SPRED1: variants seen among roughly 807,000 people sequenced by gnomAD.
The protein encoded by SPRED1 is sprouty-related, EVH1 domain-containing protein 1.
In SPRED1, 18 loss-of-function variants were observed where a neutral mutation model predicts 52.3. The ratio of observed to expected loss-of-function variants is 0.34; its 90% CI spans 0.24 to 0.51. The LOEUF is 0.51. Among genes scored for constraint, SPRED1 ranks in the 20% least tolerant of loss-of-function variants. SPRED1 has a pLI of 0.97. For synonymous variants in SPRED1, 155 were observed against 179.7 expected (o/e 0.86, Z 1.10); for missense variants, 485 against 551.0 (o/e 0.88, Z 1.20).
intron 1 of SPRED1, among the ~76,000 whole-genome samples, chr15:38,294,436 C>T (rs549584669): frequency 5.3e-5 from 8 of 152,114 alleles, no homozygotes; most frequent in South Asian, 2.1e-4. Context: ...ACTGTATCTT[C>T]GAGAACGTGT....
chr15:38,282,287 C>T (rs1428753889), intron 1 of SPRED1, among the ~76,000 whole-genome samples: 1 of 151,224 alleles, frequency 6.6e-6, no homozygotes, highest in East Asian at 1.9e-4. Context: ...CCAGCCTGGC[C>T]AACATCCTGA....
chr15:38,306,426 G>T (rs1014077420), intron 2 of SPRED1, among the ~76,000 whole-genome samples: 6 of 152,096 alleles, frequency 3.9e-5, no homozygotes, highest in Non-Finnish European at 8.8e-5. Flanking sequence ...AGGAAAACTG[G>T]GTTAAAGCAC....
intron 1 of SPRED1, among the ~76,000 whole-genome samples, chr15:38,270,853 T>C (rs1347667863): frequency 2.6e-5 from 4 of 152,250 alleles, no homozygotes; most frequent in African/African-American, 9.6e-5. Context: ...TCTTCATATA[T>C]CAGCTTTTGT....
rs946389317 is a variant in SPRED1, at chr15:38,356,676, T to C, written c.*5012T>C. On this transcript the variant is annotated 3_prime_UTR_variant, in exon 7 of 7. Coordinates refer to ENST00000299084, the MANE Select transcript of SPRED1 (RefSeq NM_152594.3). The stretch of plus-strand genomic sequence containing the variant: ...AGTCTCTAAGCTAATAATGTTATAT[T>C]TATTGGTTTGGTAACATGTTGCAGC... 6.6e-6 allele frequency: 1 copy of C among 152,144 alleles called. No homozygotes were observed. The highest frequency in any genetic ancestry group is 1.5e-5 in the Non-Finnish European group (1 of 67,972). The allele number at this position is 152,144 out of a possible 1,614,324, so 9.4% of individuals were successfully genotyped here.
intron 1 of SPRED1, among the ~76,000 whole-genome samples, chr15:38,268,987 C>T (rs1894370721): frequency 1.4e-5 from 2 of 146,992 alleles, no homozygotes; most frequent in Admixed American, 1.4e-4. Context: ...GTCGCCTAGG[C>T]TGGAGTGCAG....
rs867556628 is a variant in SPRED1, at chr15:38,328,059, T to C, written c.423+3250T>C. On this transcript the variant is annotated intron_variant, in intron 4 of 6. Coordinates refer to ENST00000299084, the MANE Select transcript of SPRED1 (RefSeq NM_152594.3). ...TGTGTTCTGATTTATCTAGCTACTT[T>C]ATTAGGAATAAAATAGATCATGTTA... Among the ~76,000 whole-genome samples the C allele has an allele frequency of 7.9e-5, 12 of 152,344 alleles. No individual in the cohort carries two copies. In the South Asian group the frequency reaches 1.9e-3, roughly 24 times the overall value.
chr15:38,254,721 C>CG (rs1177785869), intron 1 of SPRED1, among the ~76,000 whole-genome samples: 1 of 152,140 alleles, frequency 6.6e-6, no homozygotes, highest in Non-Finnish European at 1.5e-5. Context: ...AATATCAGTT[C>CG]GGGGAGGTGC....
intron 2 of SPRED1, among the ~76,000 whole-genome samples, chr15:38,304,658 G>C (rs1339785484): frequency 2.0e-5 from 3 of 151,924 alleles, no homozygotes; most frequent in Non-Finnish European, 1.5e-5. Context: ...CATCATTCTT[G>C]GCTACTTTTC....
At chr15:38,340,205 T>G (rs1156404607) in intron 5 of SPRED1, among the ~76,000 whole-genome samples, 1 of 152,230 alleles carries the variant, frequency 6.6e-6, no homozygotes, top group East Asian at 1.9e-4. Context: ...ATGTGTTTAC[T>G]ATATGTTTTT....
At chr15:38,322,027 G>A (rs1240136660) in intron 2 of SPRED1, among the ~76,000 whole-genome samples, 1 of 152,000 alleles carries the variant, frequency 6.6e-6, no homozygotes, top group Non-Finnish European at 1.5e-5. Flanking sequence ...TCTTAAAATG[G>A]GAGTATAATA....
At chr15:38,339,991 A>G in intron 5 of SPRED1, 96 bp downstream of exon 5, 1 of 1,475,958 alleles carries the variant, frequency 6.8e-7, no homozygotes, top group East Asian at 2.3e-5. Flanking sequence ...GCCCTTTACC[A>G]GACACAGTAA....
chr15:38,259,267 A>C (rs1284449135), intron 1 of SPRED1, among the ~76,000 whole-genome samples: 1 of 152,064 alleles, frequency 6.6e-6, no homozygotes, highest in Admixed American at 6.6e-5. Context: ...TATTTATTTT[A>C]AAGAGGCAGG....
Position 38,253,094 on chromosome 15 carries a change from G to T in SPRED1, c.-92G>T. The T allele has an allele frequency of 8.9e-7, 1 of 1,119,430 alleles. No homozygotes were observed. The highest frequency in any genetic ancestry group is 1.3e-6 in the Non-Finnish European group (1 of 765,446). 69.3% of individuals were successfully genotyped at this position (1,119,430 alleles called of 1,614,324 possible). On this transcript the variant is annotated 5_prime_UTR_variant, in exon 1 of 7. Transcript: ENST00000299084. ...TGTGCCGCTGCCCCCGCGCCCCCCC[G>T]GCCGCCGCTGCCTCCTGCCCCTCGG... is the stretch of plus-strand genomic sequence containing the variant.
chr15:38,351,343 CCAG>C lies in SPRED1; in HGVS notation c.1015_1017del (p.Gln339del). 1 of 1,614,034 alleles carries C rather than the reference CCAG, an allele frequency of 6.2e-7. No homozygotes were observed. Among genetic ancestry groups the C allele is most frequent in the Non-Finnish European group, 8.5e-7 (1 of 1,180,002 alleles). On this transcript the variant is annotated inframe_deletion, in exon 7 of 7. Coordinates refer to ENST00000299084, the MANE Select transcript of SPRED1 (RefSeq NM_152594.3). The stretch of plus-strand genomic sequence containing the variant: ...GTGAACGTTCTCGCTGCGTATACTG[CCAG>C]GAAAGGTTTAATCATGAAGAAAATG...
chr15:38,253,081 C>T lies in SPRED1; in HGVS notation c.-105C>T. 1.0e-6 allele frequency: 1 copy of T among 966,702 alleles called. No homozygotes were observed. The highest frequency in any genetic ancestry group is 2.6e-5 in the East Asian group (1 of 38,036). 59.9% of individuals were successfully genotyped at this position (966,702 alleles called of 1,614,324 possible). A position where few individuals can be genotyped will look rare whatever the true frequency, so the allele number is the denominator to read the frequency against. On this transcript the variant is annotated 5_prime_UTR_variant, in exon 1 of 7. Coordinates refer to ENST00000299084, the MANE Select transcript of SPRED1 (RefSeq NM_152594.3). ...ATGGTGAGGCCCCTGTGCCGCTGCC[C>T]CCGCGCCCCCCCGGCCGCCGCTGCC...
intron 1 of SPRED1, among the ~76,000 whole-genome samples, chr15:38,262,699 A>G (rs1489691708): frequency 6.6e-6 from 1 of 152,210 alleles, no homozygotes; most frequent in Non-Finnish European, 1.5e-5. Context: ...ACACAATATG[A>G]GCATGGCAGA....
intron 2 of SPRED1, among the ~76,000 whole-genome samples, chr15:38,314,634 G>A (rs1895436345): frequency 6.6e-6 from 1 of 151,898 alleles, no homozygotes; most frequent in Non-Finnish European, 1.5e-5. Context: ...GGGTTTATTG[G>A]AGTATGGGAA....
intron 2 of SPRED1, among the ~76,000 whole-genome samples, chr15:38,303,720 C>G (rs965410773): frequency 1.3e-5 from 2 of 151,924 alleles, no homozygotes; most frequent in Non-Finnish European, 2.9e-5. Context: ...TTTGCTAAAG[C>G]TATGCTTTTT....
At chr15:38,310,194 G>A (rs1297766871) in intron 2 of SPRED1, among the ~76,000 whole-genome samples, 3 of 143,460 alleles carry the variant, frequency 2.1e-5, no homozygotes, top group African/African-American at 5.1e-5. Flanking sequence ...ATACTGGAGC[G>A]CAGTGGCGCG....
Sources: gnomAD v4.1 joint callset for allele counts (sites outside exome capture counted in the v4.1 genomes callset) on GRCh38, gnomAD v4.1.1 for gene constraint, MANE v1.5 for transcripts, NCBI Gene and HGNC (gene_info 2026-07-23, HGNC 2026-07-21) for gene names.